The following SLC1A1 variants were observed in gnomAD, a reference collection of about 807,000 sequenced individuals.
The protein encoded by SLC1A1 is excitatory amino acid transporter 3.
A neutral mutation model predicts 53.3 loss-of-function variants in SLC1A1; 43 were observed. The observed-to-expected ratio is 0.81, with a 90% CI of 0.63 to 1.04. The LOEUF is 1.04. Among genes scored for constraint, SLC1A1 ranks in the 50% least tolerant of loss-of-function variants. SLC1A1 has a pLI of 0.00. For missense variants in SLC1A1, 748 were observed against 664.9 expected (o/e 1.12, Z -1.37); for synonymous variants, 307 against 243.2 (o/e 1.26, Z -2.44).
rs62543871 is a variant in SLC1A1, at chr9:4,573,879, T to C, written c.768-28T>C. 4 of 1,456,358 alleles carry C rather than the reference T, an allele frequency of 2.7e-6. No homozygotes were observed. The African/African-American group carries it at 5.6e-5, about 20-fold the overall frequency. The allele number at this position is 1,456,358 out of a possible 1,614,324, so 90.2% of individuals were successfully genotyped here. Reference sequence around the variant, plus strand: ...CATGAGAAAGCACTTGATGACGGAATCACGCCTCTGTTGTGCTTCCTTTCC... The same window carrying C: ...CATGAGAAAGCACTTGATGACGGAACCACGCCTCTGTTGTGCTTCCTTTCC... On this transcript the variant is annotated intron_variant, in intron 7 of 11. Coordinates refer to ENST00000262352, the MANE Select transcript of SLC1A1 (RefSeq NM_004170.6).
intron 1 of SLC1A1, among the ~76,000 whole-genome samples, chr9:4,495,045 A>C (rs1417746691): frequency 4.6e-5 from 7 of 152,210 alleles, no homozygotes; most frequent in Non-Finnish European, 1.0e-4. Flanking sequence ...CATTATCTAA[A>C]ATCAGAAACA....
At chr9:4,580,599 ATATGTGTGTGTG>A (rs1820977858) in intron 10 of SLC1A1, among the ~76,000 whole-genome samples, 3 of 51,052 alleles carry the variant, frequency 5.9e-5, no homozygotes, top group African/African-American at 8.2e-5. Context: ...AAAAAAATAT[ATATGTGTGTGTG>A]TGTGTGTGTG....
At position 4,560,793 on chromosome 9, in the gene SLC1A1, C is replaced by T. The variant is rs141220681; in HGVS notation, c.233-656C>T. Among the ~76,000 whole-genome samples, 1,162 of 151,752 alleles carry T rather than the reference C, an allele frequency of 7.7e-3. 15 individuals carry two copies. Among genetic ancestry groups the T allele is most frequent in the African/African-American group, 0.026 (1,090 of 41,412 alleles). On this transcript the variant is annotated intron_variant, in intron 2 of 11. Transcript: ENST00000262352. Reference sequence around the variant, plus strand: ...TGTGGATCACCTGAGGTCAGGAGTTCGAGACAAGCCTGGCCAACATGGTGG... The same window carrying T: ...TGTGGATCACCTGAGGTCAGGAGTTTGAGACAAGCCTGGCCAACATGGTGG...
At chr9:4,534,511 G>T (rs1816599562) in intron 1 of SLC1A1, among the ~76,000 whole-genome samples, 1 of 152,164 alleles carries the variant, frequency 6.6e-6, no homozygotes, top group South Asian at 2.1e-4. Flanking sequence ...GACTAAACCA[G>T]CAAGAAGTTG....
chr9:4,495,001 C>T (rs766512894), intron 1 of SLC1A1, among the ~76,000 whole-genome samples: 6 of 152,142 alleles, frequency 3.9e-5, no homozygotes, highest in Non-Finnish European at 8.8e-5. Context: ...TTCTTTGGAG[C>T]GCTAAGGAAG....
At chr9:4,572,451 AAAG>A (rs1820144851) in intron 7 of SLC1A1, 63 bp downstream of exon 7, 3 of 1,403,072 alleles carry the variant, frequency 2.1e-6, no homozygotes, top group Admixed American at 1.7e-5. Flanking sequence ...TCAAAATTAG[AAAG>A]AAGAGGTTTT....
intron 1 of SLC1A1, among the ~76,000 whole-genome samples, chr9:4,522,199 C>T (rs1297456706): frequency 2.0e-5 from 3 of 151,722 alleles, no homozygotes; most frequent in Non-Finnish European, 2.9e-5. Flanking sequence ...CTACAGGCGC[C>T]CACCACCACG....
chr9:4,538,049 T>C (rs985901829), intron 1 of SLC1A1, among the ~76,000 whole-genome samples: 2 of 152,166 alleles, frequency 1.3e-5, no homozygotes, highest in African/African-American at 4.8e-5. Flanking sequence ...GACAATTCAT[T>C]TGAAATGTTT....
At chr9:4,519,764 G>T (rs1298965432) in intron 1 of SLC1A1, among the ~76,000 whole-genome samples, 1 of 152,082 alleles carries the variant, frequency 6.6e-6, no homozygotes, top group Admixed American at 6.5e-5. Context: ...TAACTGGTAG[G>T]ACATACTCAA....
chr9:4,576,883 G>A (rs756790302), intron 10 of SLC1A1, 120 bp downstream of exon 10: 3 of 963,894 alleles, frequency 3.1e-6, no homozygotes, highest in Non-Finnish European at 5.0e-6. Flanking sequence ...GATCTATAAA[G>A]TCCCTTCCCA....
chr9:4,568,752 T>A (rs907458080), intron 6 of SLC1A1, among the ~76,000 whole-genome samples: 1 of 151,164 alleles, frequency 6.6e-6, no homozygotes, highest in Non-Finnish European at 1.5e-5. Flanking sequence ...TGGTCTCCAG[T>A]GTTCCTAAGC....
intron 1 of SLC1A1, among the ~76,000 whole-genome samples, chr9:4,519,015 T>G (rs867215566): frequency 1.3e-5 from 2 of 152,212 alleles, no homozygotes; most frequent in African/African-American, 4.8e-5. Context: ...TCTGTCTGCC[T>G]TAGGGTCTCC....
At position 4,586,756 on chromosome 9, in the gene SLC1A1, T is replaced by C. The variant is rs1436060066; in HGVS notation, c.*1198T>C. On this transcript the variant is annotated 3_prime_UTR_variant, in exon 12 of 12. Coordinates refer to ENST00000262352, the MANE Select transcript of SLC1A1 (RefSeq NM_004170.6). ...CAAGCCACGTTGCAGAAAAAGAGCTTCCCCTAACCTGGGTTGTTGCAGAGT... is the reference window on the plus strand; with the variant it reads ...CAAGCCACGTTGCAGAAAAAGAGCTCCCCCTAACCTGGGTTGTTGCAGAGT... The C allele has an allele frequency of 6.6e-6, 1 of 152,148 alleles. No individual in the cohort carries two copies. Among genetic ancestry groups the C allele is most frequent in the Non-Finnish European group, 1.5e-5 (1 of 68,032 alleles). The allele number at this position is 152,148 out of a possible 1,614,324, so 9.4% of individuals were successfully genotyped here. A position where few individuals can be genotyped will look rare whatever the true frequency, so the allele number is the denominator to read the frequency against.
At chr9:4,526,818 A>C (rs560361798) in intron 1 of SLC1A1, among the ~76,000 whole-genome samples, 7 of 151,830 alleles carry the variant, frequency 4.6e-5, no homozygotes, top group Admixed American at 2.6e-4. Flanking sequence ...GGCAGTTCTG[A>C]GACGGCACCC....
intron 1 of SLC1A1, among the ~76,000 whole-genome samples, chr9:4,527,323 A>C (rs1464703250): frequency 6.6e-6 from 1 of 152,172 alleles, no homozygotes; most frequent in Non-Finnish European, 1.5e-5. Flanking sequence ...CTCCTGATCC[A>C]TGGAAATTTT....
chr9:4,572,115 T>C, intron 6 of SLC1A1, 89 bp from the exon 7 acceptor site: 1 of 1,091,130 alleles, frequency 9.2e-7, no homozygotes, highest in East Asian at 2.4e-5. Flanking sequence ...TTATTATGTT[T>C]GGTCATTGTA....
chr9:4,513,697 T>C (rs994317601), intron 1 of SLC1A1, among the ~76,000 whole-genome samples: 1 of 152,222 alleles, frequency 6.6e-6, no homozygotes, highest in African/African-American at 2.4e-5. Flanking sequence ...GTCCCACTCC[T>C]GTGTATAGGT....
At chr9:4,520,947 T>G (rs890240956) in intron 1 of SLC1A1, among the ~76,000 whole-genome samples, 1 of 152,234 alleles carries the variant, frequency 6.6e-6, no homozygotes, top group Non-Finnish European at 1.5e-5. Context: ...TTTTTTGTGT[T>G]TTTTAAAAAT....
In SLC1A1 at chr9:4,544,647, A is replaced by AT; in HGVS notation, c.174dup (p.Leu59SerfsTer68). ...ATTCTACTTTGCTTTTCCTGGAGAA[A>AT]TTCTAATGCGGATGCTGAAACTCAT... is the stretch of plus-strand genomic sequence containing the variant. On this transcript the variant is annotated frameshift_variant, in exon 2 of 12. Coordinates refer to ENST00000262352, the MANE Select transcript of SLC1A1 (RefSeq NM_004170.6). LOFTEE classifies it high-confidence loss of function. The AT allele has an allele frequency of 6.2e-7, 1 of 1,613,746 alleles. No individual in the cohort carries two copies. Among genetic ancestry groups the AT allele is most frequent in the Non-Finnish European group, 8.5e-7 (1 of 1,179,650 alleles).
Sources: allele counts gnomAD v4.1 joint callset (sites outside exome capture counted in the v4.1 genomes callset), GRCh38; gene constraint gnomAD v4.1.1; transcripts MANE v1.5; gene names NCBI Gene and HGNC (gene_info 2026-07-23, HGNC 2026-07-21).